TBC1D22A: variants seen among roughly 807,000 people sequenced by gnomAD.
TBC1D22A encodes the protein TBC1 domain family member 22A.
A neutral mutation model predicts 60.2 loss-of-function variants in TBC1D22A; 38 were observed. The observed-to-expected ratio is 0.63, with a 90% CI of 0.49 to 0.83. TBC1D22A has a LOEUF of 0.83. Ranked by LOEUF, TBC1D22A falls within the 40% of genes least tolerant of loss-of-function variation. The probability of loss-of-function intolerance (pLI) is 0.00; values close to 1 mark genes in which losing one functional copy is unlikely to be tolerated. For synonymous variants in TBC1D22A, 302 were observed against 281.7 expected, an observed-to-expected ratio of 1.07 and a Z score of -0.72; for missense variants, 628 against 701.0, an observed-to-expected ratio of 0.90 and a Z score of 1.18.
At chr22:47,136,886 C>T (rs2066893667) in intron 12 of TBC1D22A, among the ~76,000 whole-genome samples, 1 of 152,102 alleles carries the variant, frequency 6.6e-6, no homozygotes. Context: ...CTCTCCAGAG[C>T]CCCCAGACCT....
intron 7 of TBC1D22A, among the ~76,000 whole-genome samples, chr22:46,904,109 A>G (rs111766202): frequency 2.4e-4 from 16 of 65,612 alleles, no homozygotes; most frequent in African/African-American, 8.5e-4. Flanking sequence ...CTATCTATCT[A>G]TCTATCTATC....
chr22:47,033,888 G>T (rs1603092006), intron 10 of TBC1D22A, among the ~76,000 whole-genome samples: 1 of 152,056 alleles, frequency 6.6e-6, no homozygotes, highest in Admixed American at 6.5e-5. Context: ...CCTTTCTTAG[G>T]CACTCTGACT....
At chr22:47,164,217 A>G (rs2068107498) in intron 12 of TBC1D22A, among the ~76,000 whole-genome samples, 1 of 152,184 alleles carries the variant, frequency 6.6e-6, no homozygotes, top group Non-Finnish European at 1.5e-5. Context: ...GGCCGTTCTC[A>G]TTTGTACAGG....
intron 11 of TBC1D22A, among the ~76,000 whole-genome samples, chr22:47,062,180 TTCCGGCAGTGTGGACCCTGG>T (rs2063605896): frequency 6.6e-6 from 1 of 151,236 alleles, no homozygotes; most frequent in South Asian, 2.1e-4. Context: ...TTTCCCAGGG[TTCCGGCAGTGTGGACCCTGG>T]ACCAGCAGCC....
intron 10 of TBC1D22A, among the ~76,000 whole-genome samples, chr22:47,015,512 G>T (rs1481715816): frequency 6.6e-6 from 1 of 152,238 alleles, no homozygotes; most frequent in Non-Finnish European, 1.5e-5. Flanking sequence ...TTTTCTACTT[G>T]ATCTTGCTCT....
chr22:46,921,364 T>G (rs1187336583), intron 8 of TBC1D22A, among the ~76,000 whole-genome samples: 1 of 152,192 alleles, frequency 6.6e-6, no homozygotes, highest in African/African-American at 2.4e-5. Flanking sequence ...CCTGTATTGG[T>G]TCTTTTAGGA....
chr22:47,018,856 A>G (rs944136050), intron 10 of TBC1D22A, among the ~76,000 whole-genome samples: 2 of 152,066 alleles, frequency 1.3e-5, no homozygotes, highest in Non-Finnish European at 2.9e-5. Context: ...CCTGTCACTC[A>G]CATTTTTCTG....
chr22:46,816,155 C>G (rs766121367), intron 4 of TBC1D22A, among the ~76,000 whole-genome samples: 9 of 152,176 alleles, frequency 5.9e-5, no homozygotes, highest in Non-Finnish European at 1.2e-4. Context: ...TGCGGCCGGC[C>G]GCCTGCCTGC....
At chr22:47,017,758 G>T (rs1051358782) in intron 10 of TBC1D22A, among the ~76,000 whole-genome samples, 2 of 152,182 alleles carry the variant, frequency 1.3e-5, no homozygotes, top group African/African-American at 4.8e-5. Context: ...TGTCAGAATG[G>T]GGTAAGGGGC....
intron 11 of TBC1D22A, among the ~76,000 whole-genome samples, chr22:47,066,114 G>A (rs577857644): frequency 6.6e-6 from 1 of 152,332 alleles, no homozygotes; most frequent in South Asian, 2.1e-4. Flanking sequence ...ACTTTGCATT[G>A]CAACATGCCA....
intron 10 of TBC1D22A, among the ~76,000 whole-genome samples, chr22:47,031,102 G>GCCATGGAGTCCCTTGCTGTGGCCA (rs1224666955): frequency 4.6e-5 from 7 of 152,208 alleles, no homozygotes; most frequent in African/African-American, 1.7e-4. Flanking sequence ...CGGAGCGCTT[G>GCCATGGAGTCCCTTGCTGTGGCCA]CCATGGAGTC....
Position 46,974,289 on chromosome 22 carries a change from G to T in TBC1D22A, c.1016-1G>T. 1 of 1,591,430 alleles carries T rather than the reference G, an allele frequency of 6.3e-7. No homozygotes were observed. ...TCTTTTGCATGCTCGGCGCCGCCCA[G>T]AGGCAGAGGAGGTGGACACGGTGGA... On this transcript the variant is annotated splice_acceptor_variant, in intron 8 of 12. Coordinates refer to ENST00000337137, the MANE Select transcript of TBC1D22A (RefSeq NM_014346.5). LOFTEE classifies it high-confidence loss of function.
At chr22:46,775,865 G>A (rs974703482) in intron 1 of TBC1D22A, among the ~76,000 whole-genome samples, 1 of 152,242 alleles carries the variant, frequency 6.6e-6, no homozygotes, top group Non-Finnish European at 1.5e-5. Flanking sequence ...AAGATACGGT[G>A]TACCTTTAAA....
At chr22:47,134,870 C>T (rs113859782) in intron 12 of TBC1D22A, among the ~76,000 whole-genome samples, 3,136 of 152,196 alleles carry the variant, frequency 0.021, 32 homozygotes, top group Non-Finnish European at 0.034. Flanking sequence ...CCTGGCAGGG[C>T]ATGTTGCACC....
At chr22:47,025,076 G>A (rs541266736) in intron 10 of TBC1D22A, among the ~76,000 whole-genome samples, 39 of 152,316 alleles carry the variant, frequency 2.6e-4, no homozygotes, top group African/African-American at 9.4e-4. Context: ...ATAATTTTAA[G>A]TGTTTATGCG....
At chr22:46,859,378 C>G (rs866057954) in intron 4 of TBC1D22A, among the ~76,000 whole-genome samples, 20 of 54,624 alleles carry the variant, frequency 3.7e-4, no homozygotes, top group African/African-American at 7.8e-4. Flanking sequence ...AATCCTTTTC[C>G]ATAGAGGTCC....
chr22:47,094,875 G>A lies in TBC1D22A; in HGVS notation c.1330-16633G>A, dbSNP rs1603262229. ...GTCCTGTGACTCACTAGATTTGATTGGCTGTGACCTTTGTCTTTAACCAGT... is the reference window on the plus strand; with the variant it reads ...GTCCTGTGACTCACTAGATTTGATTAGCTGTGACCTTTGTCTTTAACCAGT... On this transcript the variant is annotated intron_variant, in intron 11 of 12. Coordinates refer to ENST00000337137, the MANE Select transcript of TBC1D22A (RefSeq NM_014346.5). Among the ~76,000 whole-genome samples, 4 of 152,060 alleles carry A rather than the reference G, an allele frequency of 2.6e-5. No individual in the cohort carries two copies. The Middle Eastern group carries it at 0.014, about 517-fold the overall frequency.
intron 11 of TBC1D22A, among the ~76,000 whole-genome samples, chr22:47,088,725 C>T (rs2064799367): frequency 6.6e-6 from 1 of 152,144 alleles, no homozygotes; most frequent in South Asian, 2.1e-4. Context: ...GCATTCAGAA[C>T]CACGAGAGGG....
At chr22:46,961,142 C>T (rs1209343733) in intron 8 of TBC1D22A, among the ~76,000 whole-genome samples, 2 of 151,938 alleles carry the variant, frequency 1.3e-5, no homozygotes, top group African/African-American at 4.8e-5. Flanking sequence ...AGTCAATTTA[C>T]TTTTTATCCT....
Sources: gnomAD v4.1 joint callset for allele counts (sites outside exome capture counted in the v4.1 genomes callset) on GRCh38, gnomAD v4.1.1 for gene constraint, MANE v1.5 for transcripts, NCBI Gene and HGNC (gene_info 2026-07-23, HGNC 2026-07-21) for gene names.